The following CHFR variants were observed in gnomAD, a reference collection of about 807,000 sequenced individuals.
CHFR encodes the protein checkpoint with forkhead and ring finger domains.
In CHFR, 57 loss-of-function variants were observed where a neutral mutation model predicts 87.6. The ratio of observed to expected loss-of-function variants is 0.65; its 90% CI spans 0.53 to 0.81. The LOEUF is 0.81. Among genes scored for constraint, CHFR ranks in the 30% least tolerant of loss-of-function variants. The pLI is 0.00. For synonymous variants in CHFR, 381 were observed against 359.2 expected (o/e 1.06, Z -0.69); for missense variants, 797 against 865.8 (o/e 0.92, Z 1.00).
intron 12 of CHFR, 25 bp downstream of exon 12, chr12:132,851,593 T>C: frequency 1.3e-6 from 2 of 1,591,766 alleles, no homozygotes; most frequent in Non-Finnish European, 1.7e-6. Flanking sequence ...GGAACCCGCC[T>C]GCGTGCGGTG....
chr12:132,857,311 C>T (rs564780111), intron 9 of CHFR, 94 bp downstream of exon 9: 20 of 1,340,954 alleles, frequency 1.5e-5, no homozygotes, highest in Admixed American at 7.7e-5. Context: ...CTCACGTGCC[C>T]GGGTGCTGCT....
At chr12:132,865,735 T>C (rs922610792) in intron 6 of CHFR, 1 of 146,428 alleles carries the variant, frequency 6.8e-6, no homozygotes, top group East Asian at 2.0e-4. Context: ...TCTCAGCACA[T>C]TGTAACCTCT....
intron 14 of CHFR, chr12:132,847,605 C>A: frequency 9.3e-7 from 1 of 1,072,336 alleles, no homozygotes; most frequent in Non-Finnish European, 1.1e-6. Flanking sequence ...CTCAAGGCCC[C>A]ACCATTGTGT....
In CHFR at chr12:132,877,539, C is replaced by T. The variant is rs760672251; in HGVS notation, c.233+16G>A. The T allele has an allele frequency of 1.3e-6, 2 of 1,562,538 alleles. No homozygotes were observed. The highest frequency in any genetic ancestry group is 2.3e-5 in the East Asian group (1 of 44,214). On this transcript the variant is annotated intron_variant, in intron 3 of 17. Coordinates refer to ENST00000450056, the MANE Select transcript of CHFR (RefSeq NM_001161346.2). ...CTACAAGAAGAAACACCAAAAGAAGCTCAGAACATACTCACCTGGTATCTT... is the reference window on the plus strand; with the variant it reads ...CTACAAGAAGAAACACCAAAAGAAGTTCAGAACATACTCACCTGGTATCTT...
chr12:132,884,063 T>C (rs1205641266), intron 2 of CHFR, among the ~76,000 whole-genome samples: 1 of 152,134 alleles, frequency 6.6e-6, no homozygotes, highest in Non-Finnish European at 1.5e-5. Context: ...CAGGTTGTAG[T>C]GAGTGAAGAT....
At position 132,835,353 on chromosome 12, in the gene CHFR, A is replaced by G. The variant is rs1950638085; in HGVS notation, c.*6201T>C. On this transcript the variant is annotated 3_prime_UTR_variant, in exon 18 of 18. Coordinates refer to ENST00000450056, the MANE Select transcript of CHFR (RefSeq NM_001161346.2). ...ATATGTTCAAGCCCTAAATCCCAGG[A>G]CCTCAGAGGTGACTGTATCTGCAGA... The G allele has an allele frequency of 6.6e-6, 1 of 152,202 alleles. No individual in the cohort carries two copies. 9.4% of individuals were successfully genotyped at this position (152,202 alleles called of 1,614,324 possible). A position where few individuals can be genotyped will look rare whatever the true frequency, so the allele number is the denominator to read the frequency against.
chr12:132,853,613 A>G (rs1566182080), intron 10 of CHFR, 40 bp from the exon 11 acceptor site: 2 of 1,492,060 alleles, frequency 1.3e-6, no homozygotes, highest in Non-Finnish European at 1.8e-6. Flanking sequence ...GCAGGCCCCA[A>G]GCCTCTCAGG....
chr12:132,841,524 T>G lies in CHFR; in HGVS notation c.*30A>C, dbSNP rs1293032557. On this transcript the variant is annotated 3_prime_UTR_variant, in exon 18 of 18. Coordinates refer to ENST00000450056, the MANE Select transcript of CHFR (RefSeq NM_001161346.2). The stretch of plus-strand genomic sequence containing the variant: ...AAAAACACGCTCTCTTCACCTCCAG[T>G]GCTGAAAGCTGCTCAGGGCCTCTGG... 1 of 1,589,350 alleles carries G rather than the reference T, an allele frequency of 6.3e-7. No homozygotes were observed. The highest frequency in any genetic ancestry group is 2.2e-5 in the East Asian group (1 of 44,802).
intron 7 of CHFR, among the ~76,000 whole-genome samples, chr12:132,860,435 T>A (rs1279758270): frequency 6.6e-6 from 1 of 152,182 alleles, no homozygotes; most frequent in Admixed American, 6.5e-5. Flanking sequence ...AATTTCCTCA[T>A]TCCTGTGCTT....
intron 2 of CHFR, among the ~76,000 whole-genome samples, chr12:132,878,782 T>C (rs1421021949): frequency 1.5e-5 from 2 of 137,168 alleles, no homozygotes; most frequent in Non-Finnish European, 3.1e-5. Context: ...ATGGCGCCAC[T>C]GCACTCCAGC....
chr12:132,846,770 C>T (rs1330058053), intron 15 of CHFR, among the ~76,000 whole-genome samples: 1 of 152,158 alleles, frequency 6.6e-6, no homozygotes, highest in Admixed American at 6.5e-5. Flanking sequence ...ATCCCAGCTA[C>T]TCAGGAGGTT....
At chr12:132,847,580 G>A in intron 14 of CHFR, 10 of 1,065,734 alleles carry the variant, frequency 9.4e-6, no homozygotes, top group Non-Finnish European at 1.1e-5. Flanking sequence ...CCTGCCAGGT[G>A]TGTCTGTGGC....
chr12:132,869,203 C>T (rs1245155874), intron 6 of CHFR, among the ~76,000 whole-genome samples: 1 of 26,476 alleles, frequency 3.8e-5, no homozygotes, highest in African/African-American at 1.8e-4. Flanking sequence ...CTGGTGGGGC[C>T]GAGGGGAAGG....
chr12:132,864,173 T>C (rs1196233311), intron 6 of CHFR, among the ~76,000 whole-genome samples: 1 of 139,666 alleles, frequency 7.2e-6, no homozygotes, highest in African/African-American at 2.6e-5. Flanking sequence ...AGTGTTATTA[T>C]TTGAAAAAAA....
At position 132,841,276 on chromosome 12, in the gene CHFR, G is replaced by A. The variant is rs777597930; in HGVS notation, c.*278C>T. The A allele has an allele frequency of 2.2e-5, 8 of 367,442 alleles. No homozygotes were observed. The highest frequency in any genetic ancestry group is 3.9e-5 in the Non-Finnish European group (8 of 204,496). 22.8% of individuals were successfully genotyped at this position (367,442 alleles called of 1,614,324 possible). ...GCAAAACTGCCCCTCTCGGCGGGAC[G>A]GCCGCATGTTACAGAAAGGCTTCGT... On this transcript the variant is annotated 3_prime_UTR_variant, in exon 18 of 18. Coordinates refer to ENST00000450056, the MANE Select transcript of CHFR (RefSeq NM_001161346.2).
chr12:132,843,806 G>A lies in CHFR; in HGVS notation c.1843+221C>T, dbSNP rs562922725. ...TCTACTAAAACACAAAAAATTAGCC[G>A]GGCGTGGTGGCGGGTGCCTGTAATC... On this transcript the variant is annotated intron_variant, in intron 16 of 17. Transcript: ENST00000450056. 1.1e-4 allele frequency among the ~76,000 whole-genome samples: 17 copies of A among 152,104 alleles called. No individual in the cohort carries two copies. The East Asian group carries it at 1.2e-3, about 10-fold the overall frequency.
intron 2 of CHFR, among the ~76,000 whole-genome samples, chr12:132,879,855 C>T (rs1033155491): frequency 1.1e-4 from 17 of 152,180 alleles, no homozygotes; most frequent in African/African-American, 4.1e-4. Context: ...GGTCAGGAGA[C>T]AGTGGCATGC....
intron 3 of CHFR, among the ~76,000 whole-genome samples, chr12:132,877,145 G>A (rs1304536864): frequency 6.6e-6 from 1 of 152,070 alleles, no homozygotes; most frequent in Non-Finnish European, 1.5e-5. Context: ...AGTCCCACAA[G>A]ATTAAAATAT....
chr12:132,853,460 G>T lies in CHFR; in HGVS notation c.1343C>A (p.Ala448Glu). ...EPGAPQALGD[A>E]PSTSVSLTTA... ...CGTCAGGCTGACGGACGTGGAGGGT[G>T]CATCCCCCAGGGCCTGTGGGGCTCC... Residue 448 changes from alanine to glutamate, a missense_variant, in exon 11 of 18, where the codon GCA (alanine) becomes GAA (glutamate). Ala to Glu is a moderately radical substitution (Grantham distance 107). Around this residue, in one of 2 missense-constraint regions of CHFR, gnomAD observed 597 missense variants for 601.2 expected, o/e 0.99. Transcript: ENST00000450056. 1 of 1,538,422 alleles carries T rather than the reference G, an allele frequency of 6.5e-7. No homozygotes were observed.
Sources: allele counts gnomAD v4.1 joint callset (sites outside exome capture counted in the v4.1 genomes callset), GRCh38; gene constraint gnomAD v4.1.1; regional missense constraint gnomAD v4.1.1; transcripts MANE v1.5; gene names NCBI Gene and HGNC (gene_info 2026-07-23, HGNC 2026-07-21).